The following GLIS3 variants were observed in gnomAD, a reference collection of about 807,000 sequenced individuals.
The protein encoded by GLIS3 is GLIS family zinc finger 3, also known as zinc finger protein GLIS3.
A neutral mutation model predicts 78.6 loss-of-function variants in GLIS3; 53 were observed. The observed-to-expected ratio is 0.67, with a 90% CI of 0.54 to 0.85. GLIS3 has a LOEUF of 0.85. GLIS3 is among the 40% of genes least tolerant of loss of function. The probability of loss-of-function intolerance (pLI) is 0.00; values close to 1 mark genes in which losing one functional copy is unlikely to be tolerated. For missense variants in GLIS3, 1,703 were observed against 1,231.1 expected (o/e 1.38, Z -5.74); for synonymous variants, 684 against 509.9 (o/e 1.34, Z -4.60).
At chr9:4,397,944 C>T in the GLIS3 span, among the ~76,000 whole-genome samples, 1 of 151,990 alleles carries the variant, frequency 6.6e-6, no homozygotes, top group Admixed American at 6.5e-5. Flanking sequence ...GCATCCAGTT[C>T]CCCATTCACA....
chr9:4,158,929 C>T (rs1399326045), intron 2 of GLIS3, among the ~76,000 whole-genome samples: 1 of 149,776 alleles, frequency 6.7e-6, no homozygotes, highest in Non-Finnish European at 1.5e-5. Context: ...TGAGAAGAAA[C>T]CAGCCATGTA....
intron 2 of GLIS3, among the ~76,000 whole-genome samples, chr9:4,323,251 A>T (rs547582294): frequency 2.4e-4 from 36 of 152,280 alleles, no homozygotes; most frequent in African/African-American, 8.7e-4. Context: ...CTATACTACA[A>T]ACTATACTCC....
At chr9:4,165,381 C>A (rs1365493577) in intron 2 of GLIS3, among the ~76,000 whole-genome samples, 2 of 152,204 alleles carry the variant, frequency 1.3e-5, no homozygotes, top group South Asian at 2.1e-4. Context: ...GCGGAGGTTG[C>A]AGTGAGCCGA....
chr9:4,472,743 A>T, the GLIS3 span, among the ~76,000 whole-genome samples: 2 of 152,170 alleles, frequency 1.3e-5, no homozygotes, highest in Non-Finnish European at 2.9e-5. Flanking sequence ...GTACCCTAGA[A>T]CTTAAAGCAT....
chr9:4,285,517 A>C (rs1453425457), intron 2 of GLIS3: 1 of 152,138 alleles, frequency 6.6e-6, no homozygotes, highest in Non-Finnish European at 1.5e-5. Flanking sequence ...TTTGCTCTTA[A>C]TTTTTCTTAT....
chr9:4,286,004 C>G (rs1827957600), intron 2 of GLIS3, 34 bp downstream of exon 2: 1 of 1,613,694 alleles, frequency 6.2e-7, no homozygotes, highest in African/African-American at 1.3e-5. Context: ...AAAATCGTTT[C>G]CATTTTTAAA....
chr9:3,927,706 A>C (rs1825346814), intron 6 of GLIS3, among the ~76,000 whole-genome samples: 1 of 152,274 alleles, frequency 6.6e-6, no homozygotes, highest in Non-Finnish European at 1.5e-5. Flanking sequence ...ACCTCTCCTA[A>C]ATCCTGCAAA....
intron 4 of GLIS3, among the ~76,000 whole-genome samples, chr9:3,959,761 G>C (rs981298003): frequency 6.6e-6 from 1 of 152,210 alleles, no homozygotes; most frequent in African/African-American, 2.4e-5. Context: ...AGAGTATAGT[G>C]ACTGTATTTG....
intron 1 of GLIS3, among the ~76,000 whole-genome samples, chr9:4,296,868 T>C (rs576048757): frequency 2.8e-5 from 4 of 142,830 alleles, no homozygotes; most frequent in South Asian, 2.2e-4. Context: ...AGTACGGTTA[T>C]AGATGATCCT....
intron 2 of GLIS3, among the ~76,000 whole-genome samples, chr9:4,326,555 T>C (rs1321067553): frequency 1.4e-5 from 2 of 142,588 alleles, no homozygotes; most frequent in Admixed American, 7.1e-5. Flanking sequence ...GGAATGGGGG[T>C]TATTTTTTAT....
chr9:4,335,553 T>A (rs1180350947), intron 2 of GLIS3, among the ~76,000 whole-genome samples: 1 of 152,194 alleles, frequency 6.6e-6, no homozygotes, highest in South Asian at 2.1e-4. Context: ...AATTCAGTGG[T>A]TCTGGTGTCT....
chr9:3,953,795 C>CTCTATATATATATATATATA (rs1403671770), intron 4 of GLIS3, among the ~76,000 whole-genome samples: 1 of 73,330 alleles, frequency 1.4e-5, no homozygotes, highest in African/African-American at 5.7e-5. Flanking sequence ...CTCTCTCTCT[C>CTCTATATATATATATATATA]TATATATATA....
upstream of GLIS3, among the ~76,000 whole-genome samples, chr9:4,353,153 G>A (rs1403584855): frequency 6.6e-6 from 1 of 152,142 alleles, no homozygotes; most frequent in South Asian, 2.1e-4. Flanking sequence ...CTGAGACTCT[G>A]AGAAGTTCCC....
At chr9:4,284,523 A>G (rs1827816660) in intron 2 of GLIS3, among the ~76,000 whole-genome samples, 1 of 152,106 alleles carries the variant, frequency 6.6e-6, no homozygotes, top group South Asian at 2.1e-4. Flanking sequence ...CCCCAGGGAA[A>G]CTTTCTCCTA....
At chr9:3,907,917 A>T (rs989481162) in intron 6 of GLIS3, among the ~76,000 whole-genome samples, 1 of 152,206 alleles carries the variant, frequency 6.6e-6, no homozygotes, top group Admixed American at 6.5e-5. Context: ...TCGAGAGGCA[A>T]TCAGCAGCAC....
intron 4 of GLIS3, among the ~76,000 whole-genome samples, chr9:4,018,318 G>C (rs950937816): frequency 6.6e-6 from 1 of 152,110 alleles, no homozygotes. Flanking sequence ...GGTTACACAG[G>C]ACTGGCTCTG....
intron 2 of GLIS3, among the ~76,000 whole-genome samples, chr9:4,139,326 T>C (rs772119747): frequency 7.9e-5 from 12 of 152,108 alleles, no homozygotes; most frequent in Admixed American, 3.9e-4. Context: ...CAAATATCTG[T>C]TGGATGAATA....
At chr9:4,255,171 A>T (rs1824802855) in intron 2 of GLIS3, among the ~76,000 whole-genome samples, 1 of 152,188 alleles carries the variant, frequency 6.6e-6, no homozygotes. Context: ...ATACCATTAC[A>T]CACCTATCAT....
the GLIS3 span, among the ~76,000 whole-genome samples, chr9:4,400,934 A>G: frequency 6.6e-6 from 1 of 152,248 alleles, no homozygotes; most frequent in South Asian, 2.1e-4. Flanking sequence ...AGTATGCCGT[A>G]GGCCTCGGGC....
Sources: gnomAD v4.1 joint callset for allele counts (sites outside exome capture counted in the v4.1 genomes callset) on GRCh38, gnomAD v4.1.1 for gene constraint, MANE v1.5 for transcripts, NCBI Gene and HGNC (gene_info 2026-07-23, HGNC 2026-07-21) for gene names.